RNF180: variants seen among roughly 807,000 people sequenced by gnomAD.
RNF180 encodes the protein E3 ubiquitin-protein ligase RNF180.
RNF180 carries 38 observed loss-of-function variants against 59.2 expected under a neutral mutation model. The ratio of observed to expected loss-of-function variants is 0.64; its 90% CI spans 0.50 to 0.84. RNF180 has a LOEUF of 0.84. RNF180 is among the 40% of genes least tolerant of loss of function. The pLI is 0.00. For synonymous variants in RNF180, 262 were observed against 240.3 expected (o/e 1.09, Z -0.84); for missense variants, 705 against 700.9 (o/e 1.01, Z -0.07).
intron 2 of RNF180, among the ~76,000 whole-genome samples, chr5:64,203,192 C>T (rs1751840527): frequency 6.6e-6 from 1 of 152,148 alleles, no homozygotes; most frequent in Admixed American, 6.5e-5. Context: ...TCTCTAAAGT[C>T]TTGTTGAAAA....
At chr5:64,348,972 G>T (rs1561275126) in intron 7 of RNF180, among the ~76,000 whole-genome samples, 1 of 152,058 alleles carries the variant, frequency 6.6e-6, no homozygotes, top group Non-Finnish European at 1.5e-5. Flanking sequence ...ATAAGCTTAA[G>T]ATTTTAACTA....
chr5:64,332,176 G>A (rs2112541709), intron 7 of RNF180, among the ~76,000 whole-genome samples: 1 of 152,232 alleles, frequency 6.6e-6, no homozygotes, highest in South Asian at 2.1e-4. Flanking sequence ...TGGCCCAGCA[G>A]GCACAAGCAG....
intron 7 of RNF180, among the ~76,000 whole-genome samples, chr5:64,342,644 C>T (rs1745399908): frequency 6.6e-6 from 1 of 152,010 alleles, no homozygotes; most frequent in African/African-American, 2.4e-5. Context: ...TATTTTAAAC[C>T]TATATAGGAT....
At chr5:64,237,216 CA>C (rs1203276541) in intron 5 of RNF180, among the ~76,000 whole-genome samples, 6 of 152,232 alleles carry the variant, frequency 3.9e-5, no homozygotes, top group Non-Finnish European at 7.3e-5. Context: ...TCCACAGGAG[CA>C]GAGCTGCCTA....
At chr5:64,306,768 GA>G (rs1237859495) in intron 5 of RNF180, among the ~76,000 whole-genome samples, 1 of 149,062 alleles carries the variant, frequency 6.7e-6, no homozygotes, top group Non-Finnish European at 1.5e-5. Context: ...GGTGGGAATT[GA>G]ACAATGAGAA....
rs111922172 is a variant in RNF180, at chr5:64,174,107, C to T, written c.-1+8154C>T. Among the ~76,000 whole-genome samples, 765 of 152,302 alleles carry T rather than the reference C, an allele frequency of 5.0e-3. 10 individuals carry two copies. The highest frequency in any genetic ancestry group is 0.017 in the African/African-American group (712 of 41,566). Reference sequence around the variant, plus strand: ...TTCACTTAATATAATGTCCTCCAGACTCATCCATGTTGCCACAAATGACAG... The same window carrying T: ...TTCACTTAATATAATGTCCTCCAGATTCATCCATGTTGCCACAAATGACAG... On this transcript the variant is annotated intron_variant, in intron 1 of 7. Coordinates refer to ENST00000389100, the MANE Select transcript of RNF180 (RefSeq NM_001113561.2).
intron 7 of RNF180, among the ~76,000 whole-genome samples, chr5:64,342,470 A>G (rs1745393710): frequency 6.6e-6 from 1 of 152,148 alleles, no homozygotes; most frequent in Non-Finnish European, 1.5e-5. Context: ...GATTTTCTAC[A>G]TGAGACATTT....
chr5:64,295,147 A>T (rs1428670208), intron 5 of RNF180, among the ~76,000 whole-genome samples: 1 of 152,202 alleles, frequency 6.6e-6, no homozygotes, highest in African/African-American at 2.4e-5. Context: ...ATGTGAATAT[A>T]CTACAGCATG....
At chr5:64,360,111 T>A (rs756413988) in intron 7 of RNF180, among the ~76,000 whole-genome samples, 2 of 151,880 alleles carry the variant, frequency 1.3e-5, no homozygotes, top group African/African-American at 2.4e-5. Context: ...TTGACTTGGT[T>A]ATGCGGGCTC....
At chr5:64,316,815 G>A (rs1314854863) in intron 5 of RNF180, among the ~76,000 whole-genome samples, 1 of 152,134 alleles carries the variant, frequency 6.6e-6, no homozygotes, top group Non-Finnish European at 1.5e-5. Flanking sequence ...TAATCCAAGA[G>A]AATATTGTTG....
intron 5 of RNF180, among the ~76,000 whole-genome samples, chr5:64,258,139 G>T (rs539857056): frequency 6.6e-6 from 1 of 152,300 alleles, no homozygotes; most frequent in South Asian, 2.1e-4. Flanking sequence ...AGAGAAAGGA[G>T]AGTGTATGGC....
intron 1 of RNF180, among the ~76,000 whole-genome samples, chr5:64,192,077 C>G (rs1028238479): frequency 1.3e-5 from 2 of 151,942 alleles, no homozygotes; most frequent in African/African-American, 2.4e-5. Context: ...GGTCTTGACA[C>G]CCTTGTCAAA....
intron 7 of RNF180, among the ~76,000 whole-genome samples, chr5:64,334,482 G>T (rs1272713716): frequency 3.3e-5 from 5 of 151,750 alleles, no homozygotes; most frequent in East Asian, 3.9e-4. Flanking sequence ...AAAAAAAATC[G>T]CACATAGGAT....
At chr5:64,171,412 A>G (rs1749927781) in intron 1 of RNF180, among the ~76,000 whole-genome samples, 1 of 152,152 alleles carries the variant, frequency 6.6e-6, no homozygotes, top group Non-Finnish European at 1.5e-5. Context: ...GCCTTTTGAC[A>G]TGGGAAGGCC....
At chr5:64,335,252 G>A (rs1331388822) in intron 7 of RNF180, among the ~76,000 whole-genome samples, 1 of 151,706 alleles carries the variant, frequency 6.6e-6, no homozygotes, top group Admixed American at 6.6e-5. Flanking sequence ...TTTTTCTGTT[G>A]GTTATATGAA....
At chr5:64,170,014 T>G (rs1408724027) in intron 1 of RNF180, among the ~76,000 whole-genome samples, 2 of 152,256 alleles carry the variant, frequency 1.3e-5, no homozygotes, top group African/African-American at 2.4e-5. Context: ...TTCTGGATTA[T>G]GGAGTGACAA....
intron 7 of RNF180, among the ~76,000 whole-genome samples, chr5:64,331,650 G>T (rs564929035): frequency 3.9e-4 from 59 of 152,242 alleles, no homozygotes; most frequent in African/African-American, 1.4e-3. Context: ...CCCTCCAGTT[G>T]TCTGCATACC....
Position 64,214,434 on chromosome 5 carries a change from C to A in RNF180, c.1108C>A (p.Gln370Lys). 1 of 1,613,956 alleles carries A rather than the reference C, an allele frequency of 6.2e-7. No homozygotes were observed. The highest frequency in any genetic ancestry group is 8.5e-7 in the Non-Finnish European group (1 of 1,179,952). The change falls in exon 4 of 8, where the codon CAG becomes AAG. Residue 370 changes from glutamine (Q) to lysine (K), a missense_variant. Gln to Lys is a moderately conservative substitution (Grantham distance 53, BLOSUM62 1). Coordinates refer to ENST00000389100, the MANE Select transcript of RNF180 (RefSeq NM_001113561.2). ...SANFSLGSIN[Q>K]RLNKRERSKL... ...CAATTTTTCATTGGGCAGCATTAAT[C>A]AGAGGCTTAATAAGAGAGAAAGGAG...
chr5:64,232,098 A>G (rs1239221049), intron 5 of RNF180, among the ~76,000 whole-genome samples: 1 of 152,198 alleles, frequency 6.6e-6, no homozygotes, highest in African/African-American at 2.4e-5. Flanking sequence ...CCTGTCTATT[A>G]GATAGTAATA....
Sources: allele counts gnomAD v4.1 joint callset (sites outside exome capture counted in the v4.1 genomes callset), GRCh38; gene constraint gnomAD v4.1.1; transcripts MANE v1.5; gene names NCBI Gene and HGNC (gene_info 2026-07-23, HGNC 2026-07-21).